HOMER3: variants seen among roughly 807,000 people sequenced by gnomAD.
HOMER3 encodes the protein homer protein homolog 3.
A neutral mutation model predicts 45.5 loss-of-function variants in HOMER3; 34 were observed. That is an observed-to-expected ratio of 0.75 (90% CI 0.57 to 1.00). The LOEUF (loss-of-function observed/expected upper bound fraction) is 1.00. Among genes scored for constraint, HOMER3 ranks in the 50% least tolerant of loss-of-function variants. The pLI, the probability that HOMER3 is intolerant of heterozygous loss-of-function variation, is 0.00. For missense variants in HOMER3, 480 were observed against 497.5 expected (o/e 0.96, Z 0.33); for synonymous variants, 223 against 208.8 (o/e 1.07, Z -0.58).
intron 4 of HOMER3, among the ~76,000 whole-genome samples, chr19:18,937,813 G>C (rs914940887): frequency 6.6e-6 from 1 of 152,142 alleles, no homozygotes; most frequent in Non-Finnish European, 1.5e-5. Flanking sequence ...GGGCATGTGG[G>C]AAAGTGCCCA....
intron 1 of HOMER3, 69 bp from the exon 2 acceptor site, chr19:18,939,118 C>G: frequency 1.2e-6 from 1 of 823,994 alleles, no homozygotes; most frequent in Non-Finnish European, 1.8e-6. Context: ...GGTTCCATCT[C>G]AGGACCCATC....
chr19:18,932,873 T>TG, intron 6 of HOMER3, 51 bp downstream of exon 6: 592 of 876,262 alleles, frequency 6.8e-4, no homozygotes, highest in East Asian at 9.0e-4. Flanking sequence ...CGCCTCCTCG[T>TG]CCCCCACCCC....
At chr19:18,931,466 A>G (rs931707929) in intron 8 of HOMER3, 43 bp downstream of exon 8, 22 of 1,610,740 alleles carry the variant, frequency 1.4e-5, no homozygotes, top group Non-Finnish European at 1.9e-5. Flanking sequence ...TTCCCACAGG[A>G]GGTGAGGGAA....
At position 18,932,128 on chromosome 19, in the gene HOMER3, C is replaced by G. The variant is rs900104442; in HGVS notation, c.538G>C (p.Val180Leu). The change falls in exon 7 of 10, where the codon GTG becomes CTG. Residue 180 changes from valine (V) to leucine (L), a missense_variant. Coordinates refer to ENST00000392351, the MANE Select transcript of HOMER3 (RefSeq NM_004838.4). ...TCGGCCTCCCACTGTACCTCGCCCA[C>G]GGAGCTGCAGAGACACGAGGGTCGG... ...RLKKMLSEGS[V>L]GEVQWEAEFF... 5.6e-6 allele frequency: 8 copies of G among 1,429,778 alleles called. No homozygotes were observed. In the African/African-American group the frequency reaches 1.2e-4, roughly 21 times the overall value. 88.6% of individuals were successfully genotyped at this position (1,429,778 alleles called of 1,614,324 possible). A position where few individuals can be genotyped will look rare whatever the true frequency, so the allele number is the denominator to read the frequency against.
At chr19:18,932,873 T>TGCCCCC in intron 6 of HOMER3, 51 bp downstream of exon 6, 5 of 877,164 alleles carry the variant, frequency 5.7e-6, no homozygotes, top group Admixed American at 4.2e-5. Flanking sequence ...CGCCTCCTCG[T>TGCCCCC]CCCCCACCCC....
intron 4 of HOMER3, among the ~76,000 whole-genome samples, chr19:18,934,864 GTTTT>G (rs1021383752): frequency 7.9e-5 from 9 of 114,066 alleles, no homozygotes; most frequent in Non-Finnish European, 1.2e-4. Context: ...CCCTTTTCCT[GTTTT>G]TTGTTTTTTT....
chr19:18,937,158 G>C (rs1259811143), intron 4 of HOMER3, among the ~76,000 whole-genome samples: 1 of 151,642 alleles, frequency 6.6e-6, no homozygotes, highest in Non-Finnish European at 1.5e-5. Context: ...TAAGATTAAA[G>C]ATATTAGCTA....
intron 3 of HOMER3, 64 bp from the exon 4 acceptor site, chr19:18,938,548 G>T: frequency 3.2e-6 from 5 of 1,572,492 alleles, no homozygotes; most frequent in Non-Finnish European, 4.4e-6. Context: ...AAACCCCCCA[G>T]GTATTACCTT....
At chr19:18,932,258 AGG>A in intron 6 of HOMER3, 126 bp from the exon 7 acceptor site, 1 of 614,468 alleles carries the variant, frequency 1.6e-6, no homozygotes, top group Non-Finnish European at 2.1e-6. Context: ...AAGGCTGGCG[AGG>A]GTGCGGAGTC....
chr19:18,937,964 G>A (rs1358255582), intron 4 of HOMER3, among the ~76,000 whole-genome samples: 2 of 152,038 alleles, frequency 1.3e-5, no homozygotes, highest in African/African-American at 2.4e-5. Flanking sequence ...GGCCGAGGCA[G>A]GCAGATCATT....
At chr19:18,932,902 G>T in intron 6 of HOMER3, 22 bp downstream of exon 6, 2 of 263,414 alleles carry the variant, frequency 7.6e-6, no homozygotes, top group Non-Finnish European at 1.3e-5. Context: ...CCCCTGCCAC[G>T]CCCCCAAGTC....
chr19:18,940,596 G>C (rs2057145281), intron 1 of HOMER3: 1 of 152,202 alleles, frequency 6.6e-6, no homozygotes, highest in African/African-American at 2.4e-5. Flanking sequence ...AACTTCGGGG[G>C]ACACCTCTTC....
chr19:18,929,500 C>A lies in HOMER3; in HGVS notation c.1029G>T (p.Leu343=). 6.3e-7 allele frequency: 1 copy of A among 1,594,310 alleles called. No individual in the cohort carries two copies. Among genetic ancestry groups the A allele is most frequent in the South Asian group, 1.1e-5 (1 of 89,042 alleles). ...GRAAQLLDVS[L]FELSELREGL... ...CCTCACGCAGCTCACTCAGCTCAAA[C>A]AGGCTGACGTCCAGCAGCTGCGCTG... The change falls in exon 10 of 10, where the codon CTG becomes CTT. Residue 343 remains leucine (L), a synonymous_variant. Coordinates refer to ENST00000392351, the MANE Select transcript of HOMER3 (RefSeq NM_004838.4).
At chr19:18,937,689 A>G (rs1052310342) in intron 4 of HOMER3, among the ~76,000 whole-genome samples, 27 of 151,868 alleles carry the variant, frequency 1.8e-4, no homozygotes, top group Non-Finnish European at 2.4e-4. Context: ...AAAAAAAAAA[A>G]AAGAAGAAGA....
Position 18,932,105 on chromosome 19 carries a change from G to C in HOMER3, c.561C>G (p.Ala187=). 1 of 1,570,700 alleles carries C rather than the reference G, an allele frequency of 6.4e-7. No homozygotes were observed. The change falls in exon 7 of 10, where the codon GCC becomes GCG. Residue 187 remains alanine, a synonymous_variant. Coordinates refer to ENST00000392351, the MANE Select transcript of HOMER3 (RefSeq NM_004838.4). Reference sequence around the variant, plus strand: ...TGCTGTCCTGCAGTGCGAAAAACTCGGCCTCCCACTGTACCTCGCCCACGG... The same window carrying C: ...TGCTGTCCTGCAGTGCGAAAAACTCCGCCTCCCACTGTACCTCGCCCACGG... ...EGSVGEVQWE[A]EFFALQDSNN...
At chr19:18,939,106 C>G (rs2057127461) in intron 1 of HOMER3, 57 bp from the exon 2 acceptor site, 1 of 970,334 alleles carries the variant, frequency 1.0e-6, no homozygotes. Flanking sequence ...GGAGGCCAAG[C>G]AGGTTCCATC....
chr19:18,932,997 GT>G lies in HOMER3; in HGVS notation c.459del (p.Lys153AsnfsTer19). 1 of 1,476,300 alleles carries G rather than the reference GT, an allele frequency of 6.8e-7. No individual in the cohort carries two copies. Among genetic ancestry groups the G allele is most frequent in the Non-Finnish European group, 9.0e-7 (1 of 1,117,290 alleles). The allele number at this position is 1,476,300 out of a possible 1,614,324, so 91.5% of individuals were successfully genotyped here. ...LVSANGPGEEKLFRSQSADAP... is the reference protein window; with the variant it reads ...LVSANGPGEEXLFRSQSADAP... Reference sequence around the variant, plus strand: ...GCATCAGCGCTCTGGCTGCGGAACAGTTTTTCCTCGCCGGGGCCGTTGGCAC... The same window carrying G: ...GCATCAGCGCTCTGGCTGCGGAACAGTTTTCCTCGCCGGGGCCGTTGGCAC... On this transcript the variant is annotated frameshift_variant, in exon 6 of 10. Transcript: ENST00000392351. LOFTEE classifies it high-confidence loss of function.
chr19:18,937,327 A>AAGGG (rs1272211646), intron 4 of HOMER3, among the ~76,000 whole-genome samples: 11 of 145,308 alleles, frequency 7.6e-5, no homozygotes, highest in African/African-American at 2.0e-4. Context: ...AAAAAAAAAG[A>AAGGG]AGGGAGGGAG....
At position 18,929,327 on chromosome 19, in the gene HOMER3, C is replaced by T; in HGVS notation, c.*116G>A. 8.1e-7 allele frequency: 1 copy of T among 1,241,460 alleles called. No homozygotes were observed. The highest frequency in any genetic ancestry group is 1.2e-6 in the Non-Finnish European group (1 of 854,300). 76.9% of individuals were successfully genotyped at this position (1,241,460 alleles called of 1,614,324 possible). ...CCCCAGCCCAGCCCGGCCCGGCCCACCCAGGGCTAAGTTGGGACCCCCCAG... is the reference window on the plus strand; with the variant it reads ...CCCCAGCCCAGCCCGGCCCGGCCCATCCAGGGCTAAGTTGGGACCCCCCAG... On this transcript the variant is annotated 3_prime_UTR_variant, in exon 10 of 10. Transcript: ENST00000392351.
Sources: gnomAD v4.1 joint callset for allele counts (sites outside exome capture counted in the v4.1 genomes callset) on GRCh38, gnomAD v4.1.1 for gene constraint, MANE v1.5 for transcripts, NCBI Gene and HGNC (gene_info 2026-07-23, HGNC 2026-07-21) for gene names.